Variants in UBQLN1 observed in about 807,000 individuals in gnomAD.
UBQLN1 encodes ubiquilin-1.
A neutral mutation model predicts 65.4 loss-of-function variants in UBQLN1; 13 were observed. That is an observed-to-expected ratio of 0.20 (90% CI 0.13 to 0.32). The LOEUF (loss-of-function observed/expected upper bound fraction) is 0.32, where lower values mean the gene tolerates loss of function less well. Ranked by LOEUF, UBQLN1 falls within the 10% of genes least tolerant of loss-of-function variation. The pLI, the probability that UBQLN1 is intolerant of heterozygous loss-of-function variation, is 1.00. For missense variants in UBQLN1, 561 were observed against 724.0 expected (o/e 0.77, Z 2.58); for synonymous variants, 267 against 247.8 (o/e 1.08, Z -0.73).
At position 83,677,900 on chromosome 9, in the gene UBQLN1, G is replaced by A; in HGVS notation, c.932C>T (p.Pro311Leu). The A allele has an allele frequency of 6.2e-7, 1 of 1,614,132 alleles. No homozygotes were observed. Among genetic ancestry groups the A allele is most frequent in the Non-Finnish European group, 8.5e-7 (1 of 1,180,028 alleles). Reference sequence around the variant, plus strand: ...TGGATCTCTATTTTCTGTACGGGAAGGTTGACTACCTTCACCAGAGGATGT... The same window carrying A: ...TGGATCTCTATTTTCTGTACGGGAAAGTTGACTACCTTCACCAGAGGATGT... ...SNTSSGEGSQ[P>L]SRTENRDPLP... Residue 311 changes from proline to leucine, a missense_variant, in exon 6 of 11, where the codon CCT (proline) becomes CTT (leucine). Physicochemically the swap from Pro to Leu is moderately conservative, Grantham distance 98. Around this residue, in one of 8 missense-constraint regions of UBQLN1, gnomAD observed 89 missense variants for 77.8 expected, o/e 1.14. Transcript: ENST00000376395.
At chr9:83,705,245 C>CTTTTTTTTTT (rs1564175219) in intron 1 of UBQLN1, among the ~76,000 whole-genome samples, 4 of 40,042 alleles carry the variant, frequency 1.0e-4, no homozygotes, top group African/African-American at 8.4e-4. Context: ...AGCCAGCACT[C>CTTTTTTTTTT]CTTTTTTTTT....
At chr9:83,674,941 C>T (rs1344197059) in intron 6 of UBQLN1, among the ~76,000 whole-genome samples, 2 of 152,094 alleles carry the variant, frequency 1.3e-5, no homozygotes, top group African/African-American at 4.8e-5. Flanking sequence ...AGAATTAAAA[C>T]GACTTAGTTG....
At chr9:83,693,000 C>T (rs1289993086) in intron 1 of UBQLN1, among the ~76,000 whole-genome samples, 1 of 152,124 alleles carries the variant, frequency 6.6e-6, no homozygotes, top group Non-Finnish European at 1.5e-5. Flanking sequence ...ACTATTAACT[C>T]AAAATGAAAG....
Position 83,666,316 on chromosome 9 carries a change from T to C in UBQLN1, c.1332+34A>G, listed in dbSNP as rs1181316391. On this transcript the variant is annotated intron_variant, in intron 8 of 10. Transcript: ENST00000376395. ...TCATCAAATTTTTTCAAGCAAATCATTACCCAAGATAGCTAACATCTTGTC... is the reference window on the plus strand; with the variant it reads ...TCATCAAATTTTTTCAAGCAAATCACTACCCAAGATAGCTAACATCTTGTC... 2.5e-6 allele frequency: 4 copies of C among 1,604,334 alleles called. No homozygotes were observed. The East Asian group carries it at 6.7e-5, about 27-fold the overall frequency.
chr9:83,679,552 T>G (rs1295933335), intron 4 of UBQLN1, among the ~76,000 whole-genome samples: 1 of 152,216 alleles, frequency 6.6e-6, no homozygotes, highest in Non-Finnish European at 1.5e-5. Flanking sequence ...ACTTTTTGAT[T>G]CTTAAGCCTT....
chr9:83,693,103 C>T (rs991132671), intron 1 of UBQLN1, among the ~76,000 whole-genome samples: 1 of 152,134 alleles, frequency 6.6e-6, no homozygotes, highest in African/African-American at 2.4e-5. Flanking sequence ...TAACTACAGG[C>T]CAGAGAACTG....
chr9:83,669,709 C>T (rs1028162598), intron 6 of UBQLN1, among the ~76,000 whole-genome samples: 2 of 152,172 alleles, frequency 1.3e-5, no homozygotes, highest in Non-Finnish European at 2.9e-5. Context: ...GAATCATATT[C>T]GGCACTTAAT....
chr9:83,702,468 C>T (rs1378949139), intron 1 of UBQLN1, among the ~76,000 whole-genome samples: 2 of 152,030 alleles, frequency 1.3e-5, no homozygotes, highest in African/African-American at 4.8e-5. Context: ...ATCCAACCTT[C>T]TGGATAAGAT....
At chr9:83,680,732 A>G (rs1017344083) in intron 3 of UBQLN1, among the ~76,000 whole-genome samples, 4 of 152,202 alleles carry the variant, frequency 2.6e-5, no homozygotes, top group Non-Finnish European at 4.4e-5. Context: ...ACAGGTAAAC[A>G]TAAGTGTTTC....
chr9:83,697,248 T>TG (rs1832231663), intron 1 of UBQLN1, among the ~76,000 whole-genome samples: 1 of 148,336 alleles, frequency 6.7e-6, no homozygotes, highest in Non-Finnish European at 1.5e-5. Context: ...TCTTCTGGTT[T>TG]TTTTTTTTTT....
chr9:83,685,817 C>T (rs1832031492), intron 2 of UBQLN1, among the ~76,000 whole-genome samples, 187 bp downstream of exon 2: 1 of 152,128 alleles, frequency 6.6e-6, no homozygotes, highest in South Asian at 2.1e-4. Context: ...AAATGGTTAT[C>T]TGACAATCAC....
rs762859045 is a variant in UBQLN1, at chr9:83,682,973, A to T, written c.426T>A (p.Ala142=). Residue 142 remains alanine, a synonymous_variant, in exon 3 of 11, where the codon GCT becomes GCA. Transcript: ENST00000376395. ...TPNSNSTSGS[A]TSNPFGLGGL... Reference sequence around the variant, plus strand: ...TACCTAAACCAAAAGGGTTGCTAGTAGCAGAACCAGATGTAGAGTTACTAT... The same window carrying T: ...TACCTAAACCAAAAGGGTTGCTAGTTGCAGAACCAGATGTAGAGTTACTAT... 6.2e-7 allele frequency: 1 copy of T among 1,611,468 alleles called. No homozygotes were observed. Among genetic ancestry groups the T allele is most frequent in the Non-Finnish European group, 8.5e-7 (1 of 1,178,506 alleles).
intron 7 of UBQLN1, chr9:83,667,936 ATG>A (rs1229389588): frequency 7.1e-6 from 7 of 984,184 alleles, no homozygotes; most frequent in Non-Finnish European, 7.2e-6. Context: ...AAAAAATAGT[ATG>A]TGAGTGCTCA....
intron 10 of UBQLN1, among the ~76,000 whole-genome samples, chr9:83,663,080 A>AAG (rs10642853): frequency 6.6e-6 from 1 of 151,360 alleles, no homozygotes. Context: ...GAAAAAAAAA[A>AAG]AAGGGAAAGG....
intron 6 of UBQLN1, among the ~76,000 whole-genome samples, chr9:83,672,203 C>T (rs7848643): frequency 0.036 from 5,460 of 152,262 alleles, 294 homozygotes; most frequent in African/African-American, 0.12. Flanking sequence ...CAGATCACTA[C>T]AATTTTCTCC....
intron 9 of UBQLN1, among the ~76,000 whole-genome samples, chr9:83,664,579 C>T (rs1831612296): frequency 6.6e-6 from 1 of 151,658 alleles, no homozygotes; most frequent in Non-Finnish European, 1.5e-5. Context: ...GAGCAAAAAC[C>T]GATCTCTTAA....
Position 83,707,730 on chromosome 9 carries a change from C to A in UBQLN1, c.-51G>T. 1 of 1,504,742 alleles carries A rather than the reference C, an allele frequency of 6.6e-7. No homozygotes were observed. The allele number at this position is 1,504,742 out of a possible 1,614,324, so 93.2% of individuals were successfully genotyped here. A position where few individuals can be genotyped will look rare whatever the true frequency, so the allele number is the denominator to read the frequency against. On this transcript the variant is annotated 5_prime_UTR_variant, in exon 1 of 11. Coordinates refer to ENST00000376395, the MANE Select transcript of UBQLN1 (RefSeq NM_013438.5). ...ACTCAGGCAAGCAGGAGGGAGCAGG[C>A]GAGCAAGGAGGAGCCAGCAGACACC...
intron 8 of UBQLN1, chr9:83,665,496 G>A: frequency 5.5e-6 from 1 of 182,614 alleles, no homozygotes; most frequent in Admixed American, 6.1e-5. Context: ...ACGTGGATAT[G>A]GTAAAAAGCC....
At chr9:83,681,851 C>T (rs551855805) in intron 3 of UBQLN1, among the ~76,000 whole-genome samples, 6 of 152,232 alleles carry the variant, frequency 3.9e-5, no homozygotes, top group East Asian at 1.9e-4. Context: ...TCTCTTCTGC[C>T]GTGTTCCAAA....
Sources: allele counts gnomAD v4.1 joint callset (sites outside exome capture counted in the v4.1 genomes callset), GRCh38; gene constraint gnomAD v4.1.1; regional missense constraint gnomAD v4.1.1; transcripts MANE v1.5; gene names NCBI Gene and HGNC (gene_info 2026-07-23, HGNC 2026-07-21).